Variants in RP1 observed in about 807,000 individuals in gnomAD.
RP1 encodes the protein RP1 axonemal microtubule associated.
A neutral mutation model predicts 14.8 loss-of-function variants in RP1; 16 were observed. The ratio of observed to expected loss-of-function variants is 1.08; its 90% CI spans 0.73 to 1.65. RP1 has a LOEUF of 1.65. Among genes scored for constraint, RP1 ranks in the 40% most tolerant of loss-of-function variants. The probability of loss-of-function intolerance (pLI) is 0.00; values close to 1 mark genes in which losing one functional copy is unlikely to be tolerated. For synonymous variants in RP1, 876 were observed against 883.6 expected (o/e 0.99, Z 0.15); for missense variants, 2,631 against 2,535.0 (o/e 1.04, Z -0.81).
intron 27 of RP1, among the ~76,000 whole-genome samples, chr8:54,858,306 A>T (rs1812253302): frequency 6.6e-6 from 1 of 152,222 alleles, no homozygotes; most frequent in Non-Finnish European, 1.5e-5. Flanking sequence ...AGCAGAAGTA[A>T]GAAATAGAAT....
chr8:54,626,758 C>A lies in RP1; in HGVS notation c.2876C>A (p.Thr959Lys), dbSNP rs1225877184. 8 of 1,613,762 alleles carry A rather than the reference C, an allele frequency of 5.0e-6. No individual in the cohort carries two copies. Among genetic ancestry groups the A allele is most frequent in the Non-Finnish European group, 6.8e-6 (8 of 1,179,920 alleles). ...AGTTTTTCAGGGAATGATCCCCATA[C>A]AAATTCTGGAAAAATAAGTAATTTT... is the stretch of plus-strand genomic sequence containing the variant. ...NNSFSGNDPHTNSGKISNFVM... is the reference protein window; with the variant it reads ...NNSFSGNDPHKNSGKISNFVM... Residue 959 changes from threonine to lysine, a missense_variant, in exon 4 of 4, where the codon ACA (threonine) becomes AAA (lysine). Coordinates refer to ENST00000220676, the MANE Select transcript of RP1 (RefSeq NM_006269.2).
chr8:54,782,808 T>G (rs1045501378), intron 23 of RP1, among the ~76,000 whole-genome samples: 3 of 152,176 alleles, frequency 2.0e-5, no homozygotes, highest in Non-Finnish European at 2.9e-5. Flanking sequence ...CTTTTTAAGT[T>G]GTTTCCTGTC....
intron 21 of RP1, among the ~76,000 whole-genome samples, chr8:54,756,597 A>G (rs1473863138): frequency 6.6e-6 from 1 of 152,228 alleles, no homozygotes. Context: ...AACTTTTGCT[A>G]TCAGGAATGA....
intron 1 of RP1, among the ~76,000 whole-genome samples, chr8:54,593,180 G>C (rs1293297367): frequency 6.6e-6 from 1 of 152,096 alleles, no homozygotes; most frequent in Non-Finnish European, 1.5e-5. Flanking sequence ...AAAGCAACTG[G>C]CAAATATGCG....
Position 54,627,672 on chromosome 8 carries a change from G to A in RP1, c.3790G>A (p.Val1264Ile), listed in dbSNP as rs1249682353. 2 of 1,614,202 alleles carry A rather than the reference G, an allele frequency of 1.2e-6. No homozygotes were observed. The highest frequency in any genetic ancestry group is 1.7e-6 in the Non-Finnish European group (2 of 1,179,996). Residue 1264 changes from valine to isoleucine, a missense_variant, in exon 4 of 4, where the codon GTA becomes ATA. Physicochemically the swap from Val to Ile is conservative, Grantham distance 29. Coordinates refer to ENST00000220676, the MANE Select transcript of RP1 (RefSeq NM_006269.2). ...VTCSPCEMCT[V>I]NKAYSPKETC... ...TTGCTCTCCATGTGAGATGTGCACT[G>A]TAAATAAGGCTTATTCTCCAAAAGA... is the stretch of plus-strand genomic sequence containing the variant.
intron 24 of RP1, among the ~76,000 whole-genome samples, chr8:54,814,423 G>A (rs886701618): frequency 6.6e-6 from 1 of 152,152 alleles, no homozygotes; most frequent in Non-Finnish European, 1.5e-5. Context: ...TCAGACTATA[G>A]TATTATATAA....
chr8:54,734,447 C>G (rs1808864237), intron 17 of RP1: 1 of 1,178,214 alleles, frequency 8.5e-7, no homozygotes, highest in African/African-American at 1.5e-5. Context: ...TTCACCCTAC[C>G]CTGCCCAGTT....
chr8:54,669,847 G>A (rs1450628736), intron 7 of RP1, among the ~76,000 whole-genome samples: 1 of 150,996 alleles, frequency 6.6e-6, no homozygotes, highest in Non-Finnish European at 1.5e-5. Flanking sequence ...TGGACACAGG[G>A]TGGGGAACAT....
chr8:54,653,574 T>C (rs1211896124), intron 5 of RP1, among the ~76,000 whole-genome samples: 4 of 152,162 alleles, frequency 2.6e-5, no homozygotes, highest in Non-Finnish European at 5.9e-5. Context: ...AATGAAAACT[T>C]CATAGATGAT....
intron 24 of RP1, among the ~76,000 whole-genome samples, chr8:54,835,914 A>ACTAAG (rs1349384056): frequency 2.6e-5 from 4 of 152,158 alleles, no homozygotes; most frequent in Non-Finnish European, 4.4e-5. Flanking sequence ...ACTTATCTGA[A>ACTAAG]CTAAGCACCA....
intron 1 of RP1, among the ~76,000 whole-genome samples, chr8:54,616,958 G>A (rs1320509804): frequency 6.6e-6 from 1 of 152,096 alleles, no homozygotes; most frequent in Non-Finnish European, 1.5e-5. Flanking sequence ...GATAAGCCTA[G>A]CCACAGTTGA....
chr8:54,575,857 A>G (rs1297713701), intron 1 of RP1, among the ~76,000 whole-genome samples: 3 of 152,108 alleles, frequency 2.0e-5, no homozygotes, highest in Non-Finnish European at 4.4e-5. Context: ...TCTCAAAAAT[A>G]ATGTCTATTT....
chr8:54,759,159 T>TGC, intron 22 of RP1: 8 of 1,325,516 alleles, frequency 6.0e-6, no homozygotes, highest in Non-Finnish European at 7.0e-6. Flanking sequence ...TGTGTGTGTG[T>TGC]GTGTGTGTGT....
intron 24 of RP1, among the ~76,000 whole-genome samples, chr8:54,827,062 G>A (rs1481900814): frequency 2.0e-5 from 3 of 152,086 alleles, no homozygotes; most frequent in Non-Finnish European, 4.4e-5. Flanking sequence ...ACCTGTACAG[G>A]GCACTTACCA....
In RP1 at chr8:54,627,853, A is replaced by G. The variant is rs767711521; in HGVS notation, c.3971A>G (p.Glu1324Gly). 4 of 1,614,056 alleles carry G rather than the reference A, an allele frequency of 2.5e-6. No individual in the cohort carries two copies. Among genetic ancestry groups the G allele is most frequent in the African/African-American group, 1.3e-5 (1 of 74,932 alleles). Residue 1324 changes from glutamate (E) to glycine (G), a missense_variant, in exon 4 of 4, where the codon GAG becomes GGG. Coordinates refer to ENST00000220676, the MANE Select transcript of RP1 (RefSeq NM_006269.2). ...ACAQKENHTY[E>G]GACPIDETYV... Reference sequence around the variant, plus strand: ...GCTCAAAAGGAGAACCATACCTATGAGGGAGCTTGCCCAATTGATGAGACC... The same window carrying G: ...GCTCAAAAGGAGAACCATACCTATGGGGGAGCTTGCCCAATTGATGAGACC...
intron 15 of RP1, among the ~76,000 whole-genome samples, chr8:54,714,371 C>A (rs1808355060): frequency 6.6e-6 from 1 of 152,210 alleles, no homozygotes; most frequent in Admixed American, 6.5e-5. Flanking sequence ...AGCCAGACTC[C>A]AGACCTTTCC....
At chr8:54,780,576 G>A (rs1031301487) in intron 23 of RP1, among the ~76,000 whole-genome samples, 1 of 152,108 alleles carries the variant, frequency 6.6e-6, no homozygotes, top group Non-Finnish European at 1.5e-5. Context: ...TAAAAAGGAA[G>A]GTAGTGTCTG....
At chr8:54,634,413 G>A (rs1272188242), downstream of RP1, among the ~76,000 whole-genome samples, 2 of 152,126 alleles carry the variant, frequency 1.3e-5, no homozygotes, top group African/African-American at 4.8e-5. Context: ...TATTTCTATG[G>A]ACAAGAATAG....
chr8:54,860,876 C>T (rs1420698735), intron 27 of RP1, among the ~76,000 whole-genome samples: 1 of 152,162 alleles, frequency 6.6e-6, no homozygotes. Context: ...AATGTAAAAA[C>T]CTTCACAGGA....
Sources: allele counts gnomAD v4.1 joint callset (sites outside exome capture counted in the v4.1 genomes callset), GRCh38; gene constraint gnomAD v4.1.1; transcripts MANE v1.5; gene names NCBI Gene and HGNC (gene_info 2026-07-23, HGNC 2026-07-21).